Variants in GRID2 observed in about 807,000 individuals in gnomAD.
The protein encoded by GRID2 is glutamate receptor ionotropic, delta-2.
GRID2 carries 33 observed loss-of-function variants against 114.8 expected under a neutral mutation model. The observed-to-expected ratio is 0.29, with a 90% CI of 0.22 to 0.38. The LOEUF is 0.38. Ranked by LOEUF, GRID2 falls within the 10% of genes least tolerant of loss-of-function variation. The pLI is 1.00. For missense variants in GRID2, 1,184 were observed against 1,257.7 expected (o/e 0.94, Z 0.89); for synonymous variants, 505 against 449.9 (o/e 1.12, Z -1.55).
At chr4:93,443,576 T>C (rs1346424728) in intron 10 of GRID2, among the ~76,000 whole-genome samples, 1 of 151,960 alleles carries the variant, frequency 6.6e-6, no homozygotes, top group East Asian at 1.9e-4. Flanking sequence ...GGCAAGCTAT[T>C]TACCTTGTCT....
intron 10 of GRID2, among the ~76,000 whole-genome samples, chr4:93,442,110 C>T (rs1721678386): frequency 6.6e-6 from 1 of 151,994 alleles, no homozygotes; most frequent in South Asian, 2.1e-4. Context: ...ATTCCCCTCC[C>T]CTCCAGAGCT....
intron 1 of GRID2, among the ~76,000 whole-genome samples, chr4:92,323,345 T>G (rs1290035339): frequency 2.6e-5 from 4 of 152,152 alleles, no homozygotes; most frequent in Non-Finnish European, 5.9e-5. Flanking sequence ...TCTTGCATTT[T>G]TGAATTAATT....
chr4:93,344,745 G>A (rs1760030913), intron 8 of GRID2, among the ~76,000 whole-genome samples: 1 of 151,364 alleles, frequency 6.6e-6, no homozygotes, highest in African/African-American at 2.4e-5. Context: ...AAGTAAAACT[G>A]TATCTTTTAA....
intron 2 of GRID2, among the ~76,000 whole-genome samples, chr4:92,679,633 C>G (rs1733548982): frequency 6.6e-6 from 1 of 152,048 alleles, no homozygotes; most frequent in South Asian, 2.1e-4. Context: ...TCTTTCACAA[C>G]TGAACAGGTT....
chr4:93,143,269 T>C (rs1579104950), intron 4 of GRID2, among the ~76,000 whole-genome samples: 2 of 152,348 alleles, frequency 1.3e-5, no homozygotes, highest in African/African-American at 4.8e-5. Flanking sequence ...GATTAAATTA[T>C]TTTGCATTAC....
intron 2 of GRID2, among the ~76,000 whole-genome samples, chr4:92,815,010 G>A (rs1468924285): frequency 1.3e-5 from 2 of 152,124 alleles, no homozygotes; most frequent in Non-Finnish European, 2.9e-5. Context: ...GCAGGCAGTG[G>A]GGGGTGGATT....
At chr4:93,788,882 C>T (rs2110356894) in intron 1 of GRID2, among the ~76,000 whole-genome samples, 1 of 152,318 alleles carries the variant, frequency 6.6e-6, no homozygotes, top group Non-Finnish European at 1.5e-5. Context: ...AAAATGATCA[C>T]ATTTAAGCCC....
intron 2 of GRID2, among the ~76,000 whole-genome samples, chr4:92,682,760 G>T (rs924511660): frequency 1.3e-5 from 2 of 151,496 alleles, no homozygotes; most frequent in Non-Finnish European, 2.9e-5. Context: ...CCGATATGTT[G>T]CATATGGTGG....
intron 2 of GRID2, among the ~76,000 whole-genome samples, chr4:92,666,650 G>GTTTTTTTTTTTTGTTTTTTTT (rs1732794429): frequency 1.5e-5 from 1 of 68,594 alleles, no homozygotes; most frequent in African/African-American, 5.2e-5. Context: ...CTTAAGGGTT[G>GTTTTTTTTTTTTGTTTTTTTT]TTTTTTTTTT....
At chr4:92,835,209 C>T (rs1424364589) in intron 2 of GRID2, among the ~76,000 whole-genome samples, 2 of 145,924 alleles carry the variant, frequency 1.4e-5, no homozygotes. Flanking sequence ...AAAAAGGTAA[C>T]AAATGAAGAT....
intron 1 of GRID2, among the ~76,000 whole-genome samples, chr4:92,329,620 T>G (rs1419344542): frequency 6.6e-6 from 1 of 152,038 alleles, no homozygotes; most frequent in South Asian, 2.1e-4. Context: ...ATTGATTATT[T>G]TGATATTTAG....
At chr4:92,462,901 TCTTACTATG>T (rs1401341770) in intron 1 of GRID2, among the ~76,000 whole-genome samples, 1 of 151,984 alleles carries the variant, frequency 6.6e-6, no homozygotes, top group Non-Finnish European at 1.5e-5. Context: ...ATAGGTGCTT[TCTTACTATG>T]AAAGACACAA....
chr4:93,593,921 C>G (rs1207339707), intron 13 of GRID2, among the ~76,000 whole-genome samples: 1 of 151,830 alleles, frequency 6.6e-6, no homozygotes, highest in Non-Finnish European at 1.5e-5. Context: ...CCTTTAAGCA[C>G]TTCTCTGTAT....
intron 8 of GRID2, among the ~76,000 whole-genome samples, chr4:93,388,768 A>G (rs778780862): frequency 2.6e-4 from 39 of 152,220 alleles, no homozygotes; most frequent in Non-Finnish European, 1.9e-4. Flanking sequence ...GTAGGAAGGA[A>G]CGAGTTAAAT....
chr4:93,254,370 A>ACT (rs1482385889), intron 8 of GRID2, among the ~76,000 whole-genome samples: 1 of 152,134 alleles, frequency 6.6e-6, no homozygotes, highest in Non-Finnish European at 1.5e-5. Flanking sequence ...TTAACTAGTA[A>ACT]AATGAATGCA....
At chr4:93,616,218 G>C (rs1272877129) in intron 13 of GRID2, among the ~76,000 whole-genome samples, 1 of 152,046 alleles carries the variant, frequency 6.6e-6, no homozygotes, top group Non-Finnish European at 1.5e-5. Flanking sequence ...TCATTTTGCA[G>C]GTAAGATCTT....
chr4:93,514,118 C>T (rs1212368770), intron 12 of GRID2, among the ~76,000 whole-genome samples: 1 of 152,050 alleles, frequency 6.6e-6, no homozygotes, highest in Admixed American at 6.6e-5. Context: ...AACAGTATGT[C>T]AAAGGCACAG....
At chr4:92,478,851 A>G (rs1722444934) in intron 1 of GRID2, among the ~76,000 whole-genome samples, 1 of 152,064 alleles carries the variant, frequency 6.6e-6, no homozygotes, top group Non-Finnish European at 1.5e-5. Context: ...CCTATCTGAA[A>G]TGTTTGCTAA....
chr4:92,870,995 C>T (rs1227793868), intron 2 of GRID2, among the ~76,000 whole-genome samples: 1 of 152,138 alleles, frequency 6.6e-6, no homozygotes, highest in East Asian at 1.9e-4. Context: ...TTCTTCTAAA[C>T]ATTTTTTTCA....
Sources: gnomAD v4.1 joint callset for allele counts (sites outside exome capture counted in the v4.1 genomes callset) on GRCh38, gnomAD v4.1.1 for gene constraint, MANE v1.5 for transcripts, NCBI Gene and HGNC (gene_info 2026-07-23, HGNC 2026-07-21) for gene names.